Variants in TDRD10 observed in about 807,000 individuals in gnomAD.
TDRD10 encodes tudor domain-containing protein 10.
A neutral mutation model predicts 48.0 loss-of-function variants in TDRD10; 40 were observed. The ratio of observed to expected loss-of-function variants is 0.83; its 90% CI spans 0.65 to 1.09. The LOEUF (loss-of-function observed/expected upper bound fraction) is 1.09. Among genes scored for constraint, TDRD10 ranks in the 50% least tolerant of loss-of-function variants. TDRD10 has a pLI of 0.00. For missense variants in TDRD10, 378 were observed against 434.7 expected, an observed-to-expected ratio of 0.87 and a Z score of 1.16; for synonymous variants, 162 against 170.4, an observed-to-expected ratio of 0.95 and a Z score of 0.38.
intron 6 of TDRD10, among the ~76,000 whole-genome samples, chr1:154,532,440 C>G (rs1295317820): frequency 6.6e-6 from 1 of 152,136 alleles, no homozygotes. Context: ...AGCCCTGGTT[C>G]CCACCTGTGC....
At chr1:154,541,961 A>G in intron 6 of TDRD10, 63 bp from the exon 7 acceptor site, 1 of 1,547,836 alleles carries the variant, frequency 6.5e-7, no homozygotes, top group Non-Finnish European at 8.9e-7. Flanking sequence ...GAGTGATTCA[A>G]CATAGAAATC....
rs1694064063 is a variant in TDRD10 at position 154,521,596 on chromosome 1, G to A, written c.369+117G>A. ...GTCCAGTCTGACTGTGGAGAAGAAG[G>A]CAGGGTCTCGGGTGAAGTCAGGGAA... On this transcript the variant is annotated intron_variant, in intron 6 of 12. Transcript: ENST00000368482. The A allele has an allele frequency of 3.2e-6, 4 of 1,246,454 alleles. No individual in the cohort carries two copies. In the East Asian group the frequency reaches 9.5e-5, roughly 29 times the overall value. 77.2% of individuals were successfully genotyped at this position (1,246,454 alleles called of 1,614,324 possible).
At chr1:154,512,040 A>AT (rs1489263167) in intron 4 of TDRD10, among the ~76,000 whole-genome samples, 12 of 151,616 alleles carry the variant, frequency 7.9e-5, no homozygotes, top group Non-Finnish European at 5.9e-5. Flanking sequence ...AAAAAAAAAA[A>AT]AGTACAATTC....
chr1:154,541,958 T>G, intron 6 of TDRD10, 66 bp from the exon 7 acceptor site: 2 of 1,540,982 alleles, frequency 1.3e-6, no homozygotes, highest in Non-Finnish European at 1.8e-6. Context: ...CTGGAGTGAT[T>G]CAACATAGAA....
At chr1:154,541,907 A>G in intron 6 of TDRD10, 117 bp from the exon 7 acceptor site, 2 of 960,332 alleles carry the variant, frequency 2.1e-6, no homozygotes, top group East Asian at 2.6e-5. Context: ...CTAAAGTCGG[A>G]GTCAGAACAG....
At chr1:154,531,567 C>T (rs560867841) in intron 6 of TDRD10, among the ~76,000 whole-genome samples, 26 of 152,146 alleles carry the variant, frequency 1.7e-4, no homozygotes, top group Non-Finnish European at 2.5e-4. Flanking sequence ...TTCGCGGTCT[C>T]GCTGGCTTCA....
At chr1:154,541,057 T>C (rs1695201008) in intron 6 of TDRD10, among the ~76,000 whole-genome samples, 1 of 152,000 alleles carries the variant, frequency 6.6e-6, no homozygotes, top group Non-Finnish European at 1.5e-5. Flanking sequence ...ACCGTGAAAC[T>C]GTGGAGTTGC....
At chr1:154,542,979 T>C (rs900326781) in intron 8 of TDRD10, among the ~76,000 whole-genome samples, 158 bp downstream of exon 8, 2 of 152,104 alleles carry the variant, frequency 1.3e-5, no homozygotes, top group African/African-American at 4.8e-5. Flanking sequence ...CACTGACTTA[T>C]AAAATCAGCT....
intron 10 of TDRD10, 40 bp from the exon 11 acceptor site, chr1:154,544,751 TAGGC>T: frequency 6.2e-7 from 1 of 1,603,848 alleles, no homozygotes; most frequent in South Asian, 1.1e-5. Context: ...TGCATGGCAC[TAGGC>T]GGAATGATTG....
intron 6 of TDRD10, among the ~76,000 whole-genome samples, chr1:154,539,221 G>T (rs995522359): frequency 2.0e-5 from 3 of 152,216 alleles, no homozygotes; most frequent in African/African-American, 7.2e-5. Context: ...AGACAGGTGG[G>T]ATTCCTGGTG....
intron 6 of TDRD10, among the ~76,000 whole-genome samples, chr1:154,531,685 C>A (rs1001724832): frequency 6.6e-6 from 1 of 152,214 alleles, no homozygotes; most frequent in Non-Finnish European, 1.5e-5. Context: ...AAGAACAAAG[C>A]TTCCACAGTG....
intron 7 of TDRD10, 62 bp downstream of exon 7, chr1:154,542,128 T>C: frequency 6.4e-7 from 1 of 1,557,696 alleles, no homozygotes. Context: ...ATGGACCTCT[T>C]CCAGCCCCTT....
At chr1:154,508,900 T>A (rs1384386953) in intron 4 of TDRD10, among the ~76,000 whole-genome samples, 1 of 152,186 alleles carries the variant, frequency 6.6e-6, no homozygotes, top group African/African-American at 2.4e-5. Context: ...GCTGTGTTAG[T>A]GGGACTTAGA....
At chr1:154,542,859 G>A (rs780770852) in intron 8 of TDRD10, 38 bp downstream of exon 8, 4 of 1,537,520 alleles carry the variant, frequency 2.6e-6, no homozygotes, top group Admixed American at 3.4e-5. Context: ...GGCAAATGGC[G>A]ATTACAGACA....
In TDRD10 at chr1:154,502,258, C is replaced by G; in HGVS notation, c.-799C>G. 1 of 233,996 alleles carries G rather than the reference C, an allele frequency of 4.3e-6. No individual in the cohort carries two copies. The highest frequency in any genetic ancestry group is 1.8e-4 in the South Asian group (1 of 5,638). The allele number at this position is 233,996 out of a possible 1,614,324, so 14.5% of individuals were successfully genotyped here. On this transcript the variant is annotated 5_prime_UTR_variant, in exon 1 of 13. Transcript: ENST00000368482. ...CCCGGCCCGAGGACACCGTGGCTCT[C>G]GGAGGCGGCGGGCGCCGGGGGCTTC...
At chr1:154,538,347 G>C (rs1347099275) in intron 6 of TDRD10, among the ~76,000 whole-genome samples, 1 of 151,640 alleles carries the variant, frequency 6.6e-6, no homozygotes, top group Non-Finnish European at 1.5e-5. Flanking sequence ...TCAGGAGTTC[G>C]AGATCAGCCT....
intron 6 of TDRD10, among the ~76,000 whole-genome samples, chr1:154,530,266 C>T (rs1213948734): frequency 2.6e-5 from 4 of 152,252 alleles, no homozygotes; most frequent in East Asian, 1.9e-4. Context: ...CTGCCCGCCT[C>T]GGTCTCCCAG....
intron 11 of TDRD10, among the ~76,000 whole-genome samples, chr1:154,546,197 C>T (rs921914082): frequency 6.6e-6 from 1 of 150,456 alleles, no homozygotes; most frequent in Non-Finnish European, 1.5e-5. Flanking sequence ...CCTCGGCCTC[C>T]TGGGTAGCTG....
At chr1:154,531,043 G>C (rs1694587691) in intron 6 of TDRD10, among the ~76,000 whole-genome samples, 1 of 151,852 alleles carries the variant, frequency 6.6e-6, no homozygotes, top group Non-Finnish European at 1.5e-5. Context: ...GTTTCACCAT[G>C]TTGGCCAGGC....
Sources: gnomAD v4.1 joint callset for allele counts (sites outside exome capture counted in the v4.1 genomes callset) on GRCh38, gnomAD v4.1.1 for gene constraint, MANE v1.5 for transcripts, NCBI Gene and HGNC (gene_info 2026-07-23, HGNC 2026-07-21) for gene names.